EDA: variants seen among roughly 807,000 people sequenced by gnomAD.
EDA encodes ectodysplasin-A.
In EDA, 2 loss-of-function variants were observed where a neutral mutation model predicts 23.6. The observed-to-expected ratio is 0.08, with a 90% confidence interval of 0.03 to 0.27. The LOEUF (loss-of-function observed/expected upper bound fraction) is 0.27, where lower values mean the gene tolerates loss of function less well. EDA is among the 10% of genes least tolerant of loss of function. The pLI is 1.00. For synonymous variants in EDA, 131 were observed against 132.0 expected (o/e 0.99, Z 0.05); for missense variants, 229 against 324.2 (o/e 0.71, Z 2.26).
intron 1 of EDA, among the ~76,000 whole-genome samples, chrX:69,710,801 A>G (rs1458827911): frequency 2.7e-5 from 3 of 109,695 alleles, no homozygotes; most frequent in Non-Finnish European, 3.8e-5. Context: ...TTTGTCTGTT[A>G]TTGGTGTATA....
rs980751163 is a variant in EDA, at chrX:69,778,444, A to G, written c.396+161740A>G. Reference sequence around the variant, plus strand: ...TACCACTAAAGGTTTAAGAGTCTGAATGCCAGAACGTACTTGTTAAATGTC... The same window carrying G: ...TACCACTAAAGGTTTAAGAGTCTGAGTGCCAGAACGTACTTGTTAAATGTC... On this transcript the variant is annotated intron_variant, in intron 1 of 7. Transcript: ENST00000374552. Among the ~76,000 whole-genome samples the G allele has an allele frequency of 2.7e-5, 3 of 111,870 alleles. No individual in the cohort carries two copies. In the Admixed American group the frequency reaches 2.9e-4, roughly 11 times the overall value.
At chrX:69,671,010 G>C (rs867685480) in intron 1 of EDA, among the ~76,000 whole-genome samples, 2 of 111,066 alleles carry the variant, frequency 1.8e-5, no homozygotes, top group Non-Finnish European at 3.8e-5. Context: ...GTGTCCCTGC[G>C]TTGATGGCTG....
At chrX:69,662,630 G>A (rs976317828) in intron 1 of EDA, among the ~76,000 whole-genome samples, 1 of 112,483 alleles carries the variant, frequency 8.9e-6, no homozygotes, top group African/African-American at 3.2e-5. Context: ...ACCCAAAAAT[G>A]TGGAAGCGTC....
At chrX:69,710,757 T>C (rs1471437069) in intron 1 of EDA, among the ~76,000 whole-genome samples, 1 of 111,565 alleles carries the variant, frequency 9.0e-6, no homozygotes. Context: ...GAAGCAATTG[T>C]GAATGGGAGT....
At chrX:69,654,242 A>G (rs1341118309) in intron 1 of EDA, among the ~76,000 whole-genome samples, 1 of 111,960 alleles carries the variant, frequency 8.9e-6, no homozygotes, top group Non-Finnish European at 1.9e-5. Context: ...CAAAACCACC[A>G]TGAGATACCA....
At chrX:69,705,032 C>A (rs1482463569) in intron 1 of EDA, among the ~76,000 whole-genome samples, 3 of 109,257 alleles carry the variant, frequency 2.7e-5, no homozygotes, top group African/African-American at 1.0e-4. Context: ...ATCAGCCTGG[C>A]CAACATGGTG....
At chrX:69,662,561 G>A (rs188242976) in intron 1 of EDA, among the ~76,000 whole-genome samples, 38 of 112,109 alleles carry the variant, frequency 3.4e-4, no homozygotes, top group African/African-American at 5.8e-4. Context: ...TATTAGCAGC[G>A]TGAAAACAGA....
At chrX:69,768,890 A>C (rs1286697544) in intron 1 of EDA, among the ~76,000 whole-genome samples, 1 of 111,987 alleles carries the variant, frequency 8.9e-6, no homozygotes, top group Non-Finnish European at 1.9e-5. Context: ...ATTCATCATC[A>C]TTCAGTTCAC....
chrX:70,006,363 G>T (rs1302563973), intron 2 of EDA, among the ~76,000 whole-genome samples: 4 of 112,204 alleles, frequency 3.6e-5, no homozygotes, highest in African/African-American at 9.7e-5. Flanking sequence ...AGTTCTTTTT[G>T]TTCCATATTC....
chrX:70,028,974 ATGGAGT>A (rs1222080588), intron 4 of EDA, among the ~76,000 whole-genome samples: 2 of 112,470 alleles, frequency 1.8e-5, no homozygotes, highest in African/African-American at 3.2e-5. Flanking sequence ...GCCACAAGAG[ATGGAGT>A]TAGAGATTTT....
intron 3 of EDA, among the ~76,000 whole-genome samples, 163 bp from the exon 4 acceptor site, chrX:70,027,694 G>A (rs1169673364): frequency 3.6e-5 from 4 of 110,522 alleles, no homozygotes; most frequent in African/African-American, 6.6e-5. Context: ...GCGGTGGCAC[G>A]CGCCTGTAAT....
At chrX:69,728,163 T>C (rs761836969) in intron 1 of EDA, among the ~76,000 whole-genome samples, 32 of 107,688 alleles carry the variant, frequency 3.0e-4, no homozygotes, top group Non-Finnish European at 5.8e-4. Context: ...GAGAATCACT[T>C]GAACAAGGAG....
chrX:69,817,132 G>A (rs756886348), intron 1 of EDA, among the ~76,000 whole-genome samples: 127 of 111,760 alleles, frequency 1.1e-3, no homozygotes, highest in African/African-American at 4.1e-3. Context: ...CTTCATAAGC[G>A]AAGGAGAAAT....
chrX:69,717,891 G>A (rs1313952404), intron 1 of EDA, among the ~76,000 whole-genome samples: 1 of 111,486 alleles, frequency 9.0e-6, no homozygotes, highest in African/African-American at 3.3e-5. Flanking sequence ...CCTGGGGGCA[G>A]ATTTCTCTTT....
At chrX:69,853,069 C>G (rs980471904) in intron 1 of EDA, among the ~76,000 whole-genome samples, 3 of 111,604 alleles carry the variant, frequency 2.7e-5, no homozygotes, top group African/African-American at 9.8e-5. Flanking sequence ...AGTGACTAAG[C>G]AGAAATAAAT....
rs761019960 is a variant in EDA at position 69,737,814 on chromosome X, T to G, written c.396+121110T>G. On this transcript the variant is annotated intron_variant, in intron 1 of 7. Coordinates refer to ENST00000374552, the MANE Select transcript of EDA (RefSeq NM_001399.5). ...AAAGGTCTTTTTAAAGAGTTCAGCT[T>G]TGAAAAACAATTTCACTGGGTGAAG... 7.6e-5 allele frequency among the ~76,000 whole-genome samples: 8 copies of G among 105,651 alleles called. No individual in the cohort carries two copies. The South Asian group carries it at 2.6e-3, about 34-fold the overall frequency. The allele number at this position is 105,651 out of a possible 115,157, so 91.7% of individuals were successfully genotyped here.
intron 1 of EDA, among the ~76,000 whole-genome samples, chrX:69,832,637 C>A (rs1038582297): frequency 5.1e-4 from 57 of 111,577 alleles, no homozygotes; most frequent in Non-Finnish European, 8.7e-4. Context: ...GGAAGTATGG[C>A]CATTTTCACA....
Position 69,793,529 on chromosome X carries a change from C to T in EDA, c.397-163498C>T, listed in dbSNP as rs182903361. ...TGGCTTTTGCCTTTAAGCTTGTCCCCTAATGGTTGAATGGAGCTTTTTGTT... is the reference window on the plus strand; with the variant it reads ...TGGCTTTTGCCTTTAAGCTTGTCCCTTAATGGTTGAATGGAGCTTTTTGTT... On this transcript the variant is annotated intron_variant, in intron 1 of 7. Coordinates refer to ENST00000374552, the MANE Select transcript of EDA (RefSeq NM_001399.5). Among the ~76,000 whole-genome samples, 410 of 102,791 alleles carry T rather than the reference C, an allele frequency of 4.0e-3. 2 individuals carry two copies. Among genetic ancestry groups the T allele is most frequent in the African/African-American group, 0.014 (395 of 27,737 alleles). 89.3% of individuals were successfully genotyped at this position (102,791 alleles called of 115,157 possible).
At chrX:69,680,074 G>A (rs1364657246) in intron 1 of EDA, among the ~76,000 whole-genome samples, 20 of 109,967 alleles carry the variant, frequency 1.8e-4, no homozygotes, top group South Asian at 3.9e-4. Flanking sequence ...TCATTTCGTT[G>A]TGTACCCAGT....
Sources: gnomAD v4.1 joint callset for allele counts (sites outside exome capture counted in the v4.1 genomes callset) on GRCh38, gnomAD v4.1.1 for gene constraint, MANE v1.5 for transcripts, NCBI Gene and HGNC (gene_info 2026-07-23, HGNC 2026-07-21) for gene names.